ZMYM2: variants seen among roughly 807,000 people sequenced by gnomAD.
The protein encoded by ZMYM2 is zinc finger MYM-type containing 2.
In ZMYM2, 56 loss-of-function variants were observed where a neutral mutation model predicts 162.8. The observed-to-expected ratio is 0.34, with a 90% CI of 0.28 to 0.43. The LOEUF is 0.43. Among genes scored for constraint, ZMYM2 ranks in the 20% least tolerant of loss-of-function variants. ZMYM2 has a pLI of 1.00. For missense variants in ZMYM2, 1,275 were observed against 1,621.8 expected (o/e 0.79, Z 3.67); for synonymous variants, 510 against 541.6 (o/e 0.94, Z 0.81).
chr13:20,028,294 G>T (rs1952766318), intron 9 of ZMYM2, among the ~76,000 whole-genome samples: 1 of 152,076 alleles, frequency 6.6e-6, no homozygotes, highest in South Asian at 2.1e-4. Context: ...TACAGTGGTA[G>T]ATATTGCTTT....
At chr13:20,064,847 A>G (rs1476914430) in intron 19 of ZMYM2, among the ~76,000 whole-genome samples, 1 of 151,990 alleles carries the variant, frequency 6.6e-6, no homozygotes, top group East Asian at 1.9e-4. Context: ...TCTCAGATTT[A>G]GTTGATACCT....
chr13:19,866,604 C>G, the ZMYM2 span, among the ~76,000 whole-genome samples: 1 of 152,064 alleles, frequency 6.6e-6, no homozygotes, highest in Admixed American at 6.6e-5. Context: ...GGTGGGGTTG[C>G]GGTGAGCCGA....
the ZMYM2 span, chr13:19,863,843 TC>T: frequency 6.6e-6 from 1 of 152,262 alleles, no homozygotes; most frequent in Non-Finnish European, 1.5e-5. Context: ...GCCCTGCAGT[TC>T]CACTCCCGCC....
the ZMYM2 span, among the ~76,000 whole-genome samples, chr13:19,888,477 C>T: frequency 6.6e-6 from 1 of 151,870 alleles, no homozygotes; most frequent in East Asian, 1.9e-4. Flanking sequence ...GCATGAGCCA[C>T]CTTGCTCAGC....
At chr13:19,878,110 T>C in the ZMYM2 span, among the ~76,000 whole-genome samples, 1 of 151,090 alleles carries the variant, frequency 6.6e-6, no homozygotes, top group Non-Finnish European at 1.5e-5. Context: ...TGGAGTGCAA[T>C]GGCATGATCT....
chr13:20,027,168 A>G, intron 8 of ZMYM2, 35 bp from the exon 9 acceptor site: 1 of 1,466,310 alleles, frequency 6.8e-7, no homozygotes, highest in Non-Finnish European at 9.1e-7. Context: ...TTATTACTTT[A>G]TAAACAAATC....
At position 20,006,425 on chromosome 13, in the gene ZMYM2, C is replaced by T. The variant is rs1464433544; in HGVS notation, c.1351C>T (p.His451Tyr). The T allele has an allele frequency of 6.2e-7, 1 of 1,607,444 alleles. No homozygotes were observed. Among genetic ancestry groups the T allele is most frequent in the East Asian group, 2.2e-5 (1 of 44,752 alleles). ...KNMTHKLCSD[H>Y]CFNRYRMANG... ...TATGACTCATAAGCTGTGCAGTGAC[C>T]ACTGCTTTAATAGATATAGAATGGC... is the stretch of plus-strand genomic sequence containing the variant. Residue 451 changes from histidine (H) to tyrosine (Y), a missense_variant, in exon 6 of 25, where the codon CAC becomes TAC. His to Tyr is a moderately conservative substitution (Grantham distance 83). Transcript: ENST00000610343.
At position 20,027,901 on chromosome 13, in the gene ZMYM2, C is replaced by T. The variant is rs182498780; in HGVS notation, c.1851+583C>T. ...AGCGTTCAAACTTAACCTGGTTGAC[C>T]ACTAGGAAGGAATAGTTTAGAGGGA... On this transcript the variant is annotated intron_variant, in intron 9 of 24. Transcript: ENST00000610343. 2.6e-4 allele frequency: 44 copies of T among 167,788 alleles called. No individual in the cohort carries two copies. The East Asian group carries it at 4.9e-3, about 19-fold the overall frequency. The allele number at this position is 167,788 out of a possible 1,614,324, so 10.4% of individuals were successfully genotyped here.
chr13:20,032,711 C>T (rs1041409920), intron 10 of ZMYM2, among the ~76,000 whole-genome samples: 5 of 144,128 alleles, frequency 3.5e-5, no homozygotes, highest in Admixed American at 1.5e-4. Context: ...CAGGTTCAAG[C>T]GATTCTCCTG....
chr13:19,920,795 G>A, the ZMYM2 span, among the ~76,000 whole-genome samples: 2 of 152,012 alleles, frequency 1.3e-5, no homozygotes, highest in Admixed American at 1.3e-4. Flanking sequence ...ACTGTGTCTC[G>A]CTCTGTCTCC....
intron 3 of ZMYM2, among the ~76,000 whole-genome samples, chr13:20,000,855 G>T (rs1424508438): frequency 1.3e-5 from 2 of 152,240 alleles, no homozygotes; most frequent in Non-Finnish European, 2.9e-5. Context: ...AACTGCCATA[G>T]ATAGTGATTC....
chr13:20,041,369 C>T (rs1175286039), intron 12 of ZMYM2, among the ~76,000 whole-genome samples: 1 of 152,074 alleles, frequency 6.6e-6, no homozygotes, highest in Non-Finnish European at 1.5e-5. Context: ...TTGTCTGAGG[C>T]AACCCCTGCT....
chr13:20,076,377 T>C (rs1050135584), intron 21 of ZMYM2, among the ~76,000 whole-genome samples: 12 of 150,664 alleles, frequency 8.0e-5, no homozygotes, highest in African/African-American at 3.0e-4. Context: ...TGCATTTGTT[T>C]CTGAGATATG....
chr13:19,936,740 A>T, the ZMYM2 span, among the ~76,000 whole-genome samples: 324 of 152,184 alleles, frequency 2.1e-3, 2 homozygotes, highest in Middle Eastern at 6.8e-3. Context: ...TAAATAAATA[A>T]ATATATACAA....
At chr13:19,917,197 C>A in the ZMYM2 span, among the ~76,000 whole-genome samples, 57 of 152,138 alleles carry the variant, frequency 3.7e-4, no homozygotes, top group Non-Finnish European at 6.6e-4. Context: ...CTCCTGACCT[C>A]GTGATCCGCC....
intron 3 of ZMYM2, among the ~76,000 whole-genome samples, chr13:19,996,320 C>A (rs997199926): frequency 1.3e-5 from 2 of 152,168 alleles, no homozygotes; most frequent in Non-Finnish European, 2.9e-5. Flanking sequence ...GTGGCTCATG[C>A]CTGTCATCCC....
At chr13:19,949,819 C>T in the ZMYM2 span, among the ~76,000 whole-genome samples, 1 of 135,934 alleles carries the variant, frequency 7.4e-6, no homozygotes, top group Admixed American at 7.9e-5. Context: ...CCTGGGAGAA[C>T]GAGATTGCAG....
chr13:20,013,957 A>G (rs973696227), intron 6 of ZMYM2, among the ~76,000 whole-genome samples: 1 of 152,058 alleles, frequency 6.6e-6, no homozygotes, highest in African/African-American at 2.4e-5. Context: ...GGTGGGTGAG[A>G]CATCTTGTAT....
chr13:19,994,472 T>G (rs1175166237), intron 3 of ZMYM2, among the ~76,000 whole-genome samples: 1 of 152,318 alleles, frequency 6.6e-6, no homozygotes, highest in Middle Eastern at 3.4e-3. Flanking sequence ...AAGAACAGTG[T>G]AATATTGTAC....
Sources: gnomAD v4.1 joint callset for allele counts (sites outside exome capture counted in the v4.1 genomes callset) on GRCh38, gnomAD v4.1.1 for gene constraint, MANE v1.5 for transcripts, NCBI Gene and HGNC (gene_info 2026-07-23, HGNC 2026-07-21) for gene names.